Variants in TBC1D5 observed in about 807,000 individuals in gnomAD.
The protein encoded by TBC1D5 is TBC1 domain family, member 5.
TBC1D5 carries 75 observed loss-of-function variants against 100.3 expected under a neutral mutation model. The observed-to-expected ratio is 0.75, with a 90% CI of 0.62 to 0.91. TBC1D5 has a LOEUF of 0.91. TBC1D5 is among the 40% of genes least tolerant of loss of function. The probability of loss-of-function intolerance (pLI) is 0.00; values close to 1 mark genes in which losing one functional copy is unlikely to be tolerated. For synonymous variants in TBC1D5, 323 were observed against 325.6 expected (o/e 0.99, Z 0.09); for missense variants, 910 against 942.4 (o/e 0.97, Z 0.45).
At chr3:17,250,688 T>C (rs1202871650) in intron 16 of TBC1D5, among the ~76,000 whole-genome samples, 4 of 152,234 alleles carry the variant, frequency 2.6e-5, no homozygotes, top group Non-Finnish European at 4.4e-5. Flanking sequence ...TCTGTTCAAA[T>C]AGCATCTTTT....
At chr3:17,290,389 C>A (rs150860610) in intron 15 of TBC1D5, among the ~76,000 whole-genome samples, 3 of 152,280 alleles carry the variant, frequency 2.0e-5, no homozygotes, top group Non-Finnish European at 4.4e-5. Flanking sequence ...GTGAGTGATT[C>A]ACAGAAACAT....
chr3:17,327,890 A>G (rs776659677), intron 13 of TBC1D5, among the ~76,000 whole-genome samples: 40 of 152,102 alleles, frequency 2.6e-4, no homozygotes, highest in Admixed American at 3.9e-4. Context: ...TGTTCAATAT[A>G]TATGTGTTGA....
At position 17,672,800 on chromosome 3, in the gene TBC1D5, G is replaced by A. The variant is rs2068095945; in HGVS notation, c.-100-48887C>T. 4 of 152,132 alleles carry A rather than the reference G, an allele frequency of 2.6e-5. 1 individual carries two copies. Among genetic ancestry groups the A allele is most frequent in the Non-Finnish European group, 5.9e-5 (4 of 68,032 alleles). The allele number at this position is 152,132 out of a possible 1,614,324, so 9.4% of individuals were successfully genotyped here. A position where few individuals can be genotyped will look rare whatever the true frequency, so the allele number is the denominator to read the frequency against. ...AGGATGCTGCCTAGTGCCAGAACCT[G>A]GATACAATGCTATAAGAATTGATGG... On this transcript the variant is annotated intron_variant, in intron 1 of 21. Transcript: ENST00000253692.
At chr3:17,732,386 A>G (rs2076634948) in intron 1 of TBC1D5, among the ~76,000 whole-genome samples, 1 of 151,900 alleles carries the variant, frequency 6.6e-6, no homozygotes, top group East Asian at 1.9e-4. Flanking sequence ...CTACTCCCAC[A>G]CTATCTACTT....
intron 1 of TBC1D5, among the ~76,000 whole-genome samples, chr3:17,646,260 A>C (rs191839372): frequency 3.2e-4 from 49 of 152,292 alleles, no homozygotes; most frequent in Admixed American, 1.1e-3. Context: ...TGGAAAAATC[A>C]GAAAGGATTC....
intron 13 of TBC1D5, among the ~76,000 whole-genome samples, chr3:17,313,641 C>T (rs1179851658): frequency 6.6e-6 from 1 of 152,150 alleles, no homozygotes. Context: ...TAGCACTTTT[C>T]GACTTCCTCT....
At chr3:17,434,272 C>T (rs1307594311) in intron 3 of TBC1D5, among the ~76,000 whole-genome samples, 2 of 152,226 alleles carry the variant, frequency 1.3e-5, no homozygotes, top group Non-Finnish European at 2.9e-5. Context: ...AGAGGTTCTC[C>T]ATGAAGGCCC....
chr3:17,285,832 A>C (rs759221314), intron 15 of TBC1D5, among the ~76,000 whole-genome samples: 6 of 152,232 alleles, frequency 3.9e-5, no homozygotes, highest in Non-Finnish European at 8.8e-5. Context: ...TAAAAAGACA[A>C]AATTTAATAT....
chr3:17,221,800 T>A (rs1030172559), intron 17 of TBC1D5, among the ~76,000 whole-genome samples: 8 of 152,192 alleles, frequency 5.3e-5, no homozygotes, highest in African/African-American at 1.7e-4. Flanking sequence ...TAGAGAAACC[T>A]GTGTCAGACT....
chr3:17,499,688 C>CA (rs368826012), intron 3 of TBC1D5, among the ~76,000 whole-genome samples: 1,742 of 122,326 alleles, frequency 0.014, 96 homozygotes, highest in African/African-American at 0.034. Flanking sequence ...ACACTGTCTC[C>CA]AAAAAAAAAA....
chr3:17,375,826 A>G (rs999453186), intron 10 of TBC1D5, among the ~76,000 whole-genome samples: 1 of 152,174 alleles, frequency 6.6e-6, no homozygotes, highest in Non-Finnish European at 1.5e-5. Context: ...TTATAATCAG[A>G]TATGTGAAAT....
In TBC1D5 at chr3:17,258,565, T is replaced by C. The variant is rs150759125; in HGVS notation, c.1272A>G (p.Gln424=). Residue 424 remains glutamine (Q), a synonymous_variant, in exon 16 of 22, where the codon CAA becomes CAG. Transcript: ENST00000253692. Reference sequence around the variant, plus strand: ...TGTAATAATCTAAATTTGGATGGAATTGATAAGTCACTGGTCTTGGATTTC... The same window carrying C: ...TGTAATAATCTAAATTTGGATGGAACTGATAAGTCACTGGTCTTGGATTTC... The C allele has an allele frequency of 3.0e-4, 485 of 1,612,992 alleles. 2 individuals carry two copies. In the East Asian group the frequency reaches 9.7e-3, roughly 32 times the overall value.
At chr3:17,637,913 A>G (rs561739115) in intron 1 of TBC1D5, among the ~76,000 whole-genome samples, 95 of 152,314 alleles carry the variant, frequency 6.2e-4, no homozygotes, top group Non-Finnish European at 1.2e-3. Context: ...TATATATACA[A>G]TGATCCCACT....
At chr3:17,522,778 AC>A (rs1452836294) in intron 2 of TBC1D5, among the ~76,000 whole-genome samples, 1 of 152,170 alleles carries the variant, frequency 6.6e-6, no homozygotes, top group East Asian at 1.9e-4. Flanking sequence ...TTCATTGAGT[AC>A]CGTAATAGAA....
chr3:17,551,233 A>C (rs144337479), intron 2 of TBC1D5, among the ~76,000 whole-genome samples: 6 of 152,262 alleles, frequency 3.9e-5, no homozygotes, highest in African/African-American at 1.4e-4. Context: ...ATAAGTAAAG[A>C]CGACCATCTG....
At chr3:17,453,983 C>T (rs1487340775) in intron 3 of TBC1D5, among the ~76,000 whole-genome samples, 1 of 152,180 alleles carries the variant, frequency 6.6e-6, no homozygotes, top group East Asian at 1.9e-4. Flanking sequence ...CAATGTGATA[C>T]ATCCTACCAA....
intron 2 of TBC1D5, among the ~76,000 whole-genome samples, chr3:17,613,987 C>T (rs1560284000): frequency 2.6e-5 from 4 of 152,288 alleles, no homozygotes; most frequent in South Asian, 4.1e-4. Flanking sequence ...ATGGTATTCC[C>T]TAGGTTTTTT....
rs1467290282 is a variant in TBC1D5, at chr3:17,697,470, CAGAG to C, written c.-101+41869_-101+41872del. ...TTCCTATATACAAATAACAGACAAACAGAGAGCCAAATCACAAGTGAATTCCCAT... is the reference window on the plus strand; with the variant it reads ...TTCCTATATACAAATAACAGACAAACAGCCAAATCACAAGTGAATTCCCAT... On this transcript the variant is annotated intron_variant, in intron 1 of 21. Coordinates refer to ENST00000253692, the Ensembl canonical transcript of TBC1D5. 2.0e-5 allele frequency among the ~76,000 whole-genome samples: 3 copies of C among 152,260 alleles called. No individual in the cohort carries two copies. The East Asian group carries it at 5.8e-4, about 29-fold the overall frequency.
intron 4 of TBC1D5, among the ~76,000 whole-genome samples, chr3:17,423,640 T>C (rs984063743): frequency 2.0e-5 from 3 of 152,154 alleles, no homozygotes; most frequent in Non-Finnish European, 2.9e-5. Flanking sequence ...AAAAAGAGTG[T>C]ACATTTTTCT....
Sources: allele counts gnomAD v4.1 joint callset (sites outside exome capture counted in the v4.1 genomes callset), GRCh38; gene constraint gnomAD v4.1.1; transcripts MANE v1.5; gene names NCBI Gene and HGNC (gene_info 2026-07-23, HGNC 2026-07-21).